Variants in USP15 observed in about 807,000 individuals in gnomAD.
USP15 encodes the protein ubiquitin specific peptidase 15.
Under a neutral mutation model 127.1 loss-of-function variants are expected in USP15, and 18 were observed. The observed-to-expected ratio is 0.14, with a 90% CI of 0.10 to 0.21. The LOEUF (loss-of-function observed/expected upper bound fraction) is 0.21, where lower values mean the gene tolerates loss of function less well. Among genes scored for constraint, USP15 ranks in the 10% least tolerant of loss-of-function variants. USP15 has a pLI of 1.00. For synonymous variants in USP15, 364 were observed against 393.7 expected, an observed-to-expected ratio of 0.92 and a Z score of 0.89; for missense variants, 805 against 1,159.9, an observed-to-expected ratio of 0.69 and a Z score of 4.44.
At position 62,391,211 on chromosome 12, in the gene USP15, C is replaced by G; in HGVS notation, c.2015C>G (p.Pro672Arg). The G allele has an allele frequency of 1.2e-6, 2 of 1,613,474 alleles. No individual in the cohort carries two copies. Among genetic ancestry groups the G allele is most frequent in the Non-Finnish European group, 1.7e-6 (2 of 1,179,710 alleles). The change falls in exon 16 of 22, where the codon CCC becomes CGC. Residue 672 changes from proline to arginine, a missense_variant. Pro to Arg is a moderately radical substitution (Grantham distance 103). Transcript: ENST00000280377. ...GAATCCAGCCAGGATCAAGAACTTC[C>G]CTCAGAGAATGAAAACAGTCAGTCT... The part of the protein sequence containing the change: ...DDESSQDQEL[P>R]SENENSQSED...
intron 17 of USP15, among the ~76,000 whole-genome samples, 165 bp downstream of exon 17, chr12:62,392,051 C>CT (rs537908226): frequency 2.0e-4 from 29 of 148,336 alleles, no homozygotes; most frequent in South Asian, 6.4e-4. Flanking sequence ...GCAAAAATAC[C>CT]TTTTTTTTTT....
intron 8 of USP15, among the ~76,000 whole-genome samples, chr12:62,372,514 TAAAG>T (rs1184360211): frequency 6.6e-6 from 1 of 152,152 alleles, no homozygotes; most frequent in African/African-American, 2.4e-5. Flanking sequence ...TTGTTTCTCT[TAAAG>T]AATGTAACAA....
At chr12:62,391,675 G>A (rs1592722966) in intron 16 of USP15, 141 bp from the exon 17 acceptor site, 1 of 898,912 alleles carries the variant, frequency 1.1e-6, no homozygotes, top group East Asian at 2.8e-5. Flanking sequence ...TCAATGGCTT[G>A]GAAACTGCTG....
intron 6 of USP15, chr12:62,335,102 G>T (rs1459750093): frequency 2.0e-6 from 3 of 1,494,450 alleles, no homozygotes; most frequent in Non-Finnish European, 2.7e-6. Flanking sequence ...TTAATTCTAG[G>T]TAAGTGGTTT....
At chr12:62,322,842 CA>C (rs1469484068) in intron 5 of USP15, among the ~76,000 whole-genome samples, 2 of 152,182 alleles carry the variant, frequency 1.3e-5, no homozygotes, top group Non-Finnish European at 1.5e-5. Flanking sequence ...TATACTCAAG[CA>C]GTACCAAACT....
chr12:62,302,696 T>G (rs35496480), intron 2 of USP15, 94 bp from the exon 3 acceptor site: 133,347 of 1,380,044 alleles, frequency 0.097, 7,015 homozygotes, highest in Middle Eastern at 0.15. Flanking sequence ...AAAACTTGTT[T>G]TAAATACTTA....
intron 8 of USP15, among the ~76,000 whole-genome samples, chr12:62,369,552 A>G (rs1253237516): frequency 6.6e-6 from 1 of 152,028 alleles, no homozygotes; most frequent in African/African-American, 2.4e-5. Flanking sequence ...CTCTAAAAAG[A>G]GGAGTACCTA....
chr12:62,373,080 AAAT>A (rs2066724709), intron 8 of USP15, among the ~76,000 whole-genome samples: 1 of 152,092 alleles, frequency 6.6e-6, no homozygotes, highest in Non-Finnish European at 1.5e-5. Flanking sequence ...TTTGCTGGTG[AAAT>A]AATTATCACA....
intron 6 of USP15, chr12:62,335,156 CT>C (rs1333512260): frequency 5.2e-6 from 8 of 1,533,580 alleles, no homozygotes; most frequent in Non-Finnish European, 7.0e-6. Flanking sequence ...TTTTTTTCTC[CT>C]TTTTCTAGAA....
chr12:62,294,089 A>G, intron 1 of USP15, 90 bp from the exon 2 acceptor site: 1 of 1,370,306 alleles, frequency 7.3e-7, no homozygotes, highest in Non-Finnish European at 9.9e-7. Context: ...ATGTCTTTTA[A>G]TATAAAAGGA....
At chr12:62,370,184 G>A (rs1317087435) in intron 8 of USP15, among the ~76,000 whole-genome samples, 1 of 152,058 alleles carries the variant, frequency 6.6e-6, no homozygotes, top group Non-Finnish European at 1.5e-5. Flanking sequence ...GCCCGTCTCG[G>A]CCTCCCAAAG....
intron 5 of USP15, among the ~76,000 whole-genome samples, chr12:62,323,509 T>C (rs2065043920): frequency 6.6e-6 from 1 of 152,142 alleles, no homozygotes; most frequent in Admixed American, 6.6e-5. Context: ...TTAAGAGAAA[T>C]CTTACAAAAT....
chr12:62,294,121 G>C, intron 1 of USP15, 58 bp from the exon 2 acceptor site: 2 of 1,560,320 alleles, frequency 1.3e-6, no homozygotes, highest in Non-Finnish European at 8.7e-7. Context: ...ATAGATGGCT[G>C]TTCTACTGTT....
chr12:62,362,327 G>C (rs142751607), intron 8 of USP15, among the ~76,000 whole-genome samples: 1 of 152,194 alleles, frequency 6.6e-6, no homozygotes, highest in African/African-American at 2.4e-5. Context: ...TATTAAAAAT[G>C]TTTTTATGTT....
intron 20 of USP15, among the ~76,000 whole-genome samples, chr12:62,398,905 A>G (rs1171534806): frequency 6.6e-6 from 1 of 152,106 alleles, no homozygotes; most frequent in African/African-American, 2.4e-5. Flanking sequence ...CAGCAGTTTT[A>G]TTAGTTGTTA....
At chr12:62,298,830 CAAAAAA>C (rs1163091790) in intron 2 of USP15, among the ~76,000 whole-genome samples, 3 of 65,066 alleles carry the variant, frequency 4.6e-5, no homozygotes, top group African/African-American at 1.2e-4. Context: ...CCCTGTCTTG[CAAAAAA>C]AAAAAAAAAA....
At chr12:62,320,512 G>T (rs1043435659) in intron 4 of USP15, among the ~76,000 whole-genome samples, 1 of 152,010 alleles carries the variant, frequency 6.6e-6, no homozygotes, top group African/African-American at 2.4e-5. Context: ...AGTACTAACA[G>T]TATATTTATT....
At chr12:62,386,246 A>G (rs995981575) in intron 11 of USP15, among the ~76,000 whole-genome samples, 5 of 151,426 alleles carry the variant, frequency 3.3e-5, no homozygotes, top group Non-Finnish European at 5.9e-5. Context: ...CATTAACACT[A>G]TGCTTTGACC....
intron 6 of USP15, among the ~76,000 whole-genome samples, chr12:62,339,428 T>C (rs2065581808): frequency 6.6e-6 from 1 of 152,196 alleles, no homozygotes; most frequent in Non-Finnish European, 1.5e-5. Flanking sequence ...CAGTACTTTG[T>C]TGAATAGGAG....
Sources: gnomAD v4.1 joint callset for allele counts (sites outside exome capture counted in the v4.1 genomes callset) on GRCh38, gnomAD v4.1.1 for gene constraint, MANE v1.5 for transcripts, NCBI Gene and HGNC (gene_info 2026-07-23, HGNC 2026-07-21) for gene names.